POU6F2: variants seen among roughly 807,000 people sequenced by gnomAD.
The protein encoded by POU6F2 is POU domain, class 6, transcription factor 2.
In POU6F2, 31 loss-of-function variants were observed where a neutral mutation model predicts 71.3. The observed-to-expected ratio is 0.43, with a 90% CI of 0.33 to 0.59. POU6F2 has a LOEUF of 0.59. Ranked by LOEUF, POU6F2 falls within the 20% of genes least tolerant of loss-of-function variation. The pLI, the probability that POU6F2 is intolerant of heterozygous loss-of-function variation, is 0.04. For synonymous variants in POU6F2, 347 were observed against 355.7 expected (o/e 0.98, Z 0.27); for missense variants, 783 against 856.8 (o/e 0.91, Z 1.07).
Position 39,288,348 on chromosome 7 carries a change from A to G in POU6F2, c.599-51294A>G, listed in dbSNP as rs541627949. On this transcript the variant is annotated intron_variant, in intron 4 of 9. Transcript: ENST00000518318. ...AATAACCTCACCTCTCTGAGCTTCA[A>G]CATCCTCAGCTGTCACAGGGGCATA... Among the ~76,000 whole-genome samples, 12 of 152,290 alleles carry G rather than the reference A, an allele frequency of 7.9e-5. No homozygotes were observed. In the South Asian group the frequency reaches 1.7e-3, roughly 21 times the overall value.
intron 4 of POU6F2, among the ~76,000 whole-genome samples, chr7:39,207,923 G>T (rs532105731): frequency 6.6e-6 from 1 of 152,300 alleles, no homozygotes; most frequent in South Asian, 2.1e-4. Context: ...TAAAATTCCT[G>T]TGTTGTTATT....
chr7:39,361,444 C>T (rs906412453), intron 5 of POU6F2, among the ~76,000 whole-genome samples: 9 of 152,192 alleles, frequency 5.9e-5, no homozygotes, highest in African/African-American at 2.2e-4. Context: ...GTTTGACTGC[C>T]TCTGTTTCTT....
In POU6F2 at chr7:39,260,708, C is replaced by T. The variant is rs111162249; in HGVS notation, c.598+53088C>T. 9.5e-3 allele frequency among the ~76,000 whole-genome samples: 1,436 copies of T among 151,874 alleles called. 19 individuals are homozygous for T. Among genetic ancestry groups the T allele is most frequent in the African/African-American group, 0.033 (1,361 of 41,364 alleles). On this transcript the variant is annotated intron_variant, in intron 4 of 9. Transcript: ENST00000518318. ...ACACATATACCACAAGCATACATAC[C>T]GCACACCACATATACTACACCACCT...
chr7:39,112,666 A>G (rs1482867881), intron 2 of POU6F2, among the ~76,000 whole-genome samples: 1 of 141,022 alleles, frequency 7.1e-6, no homozygotes, highest in Admixed American at 7.2e-5. Context: ...CTAGGGGCCA[A>G]TTATAGCCCC....
chr7:39,384,869 G>A (rs140713894), intron 5 of POU6F2, among the ~76,000 whole-genome samples: 3 of 152,314 alleles, frequency 2.0e-5, no homozygotes, highest in East Asian at 1.9e-4. Context: ...ATTGAGTTAA[G>A]TTGATTCAGA....
At chr7:39,178,352 T>C (rs1204501474) in intron 2 of POU6F2, among the ~76,000 whole-genome samples, 2 of 152,244 alleles carry the variant, frequency 1.3e-5, no homozygotes, top group African/African-American at 2.4e-5. Context: ...AGAGTTTCTC[T>C]TCTATATGCC....
rs767558174 is a variant in POU6F2, at chr7:39,207,551, A to C, written c.529A>C (p.Asn177His). The change falls in exon 4 of 10, where the codon AAC (asparagine) becomes CAC (histidine). Residue 177 changes from asparagine (N) to histidine (H), a missense_variant. Physicochemically the swap from Asn to His is moderately conservative, Grantham distance 68 (BLOSUM62 1). This residue lies in a region of POU6F2 where 572 missense variants were observed against 572.9 expected (regional missense o/e 1.00). Coordinates refer to ENST00000518318, the MANE Select transcript of POU6F2 (RefSeq NM_001370959.1). ...VLTLPTANLT[N>H]IQGLVAAAAA... ...CACACTGCCAACAGCGAATCTCACC[A>C]ACATCCAAGGGCTGGTGGCAGCAGC... 19 of 1,614,036 alleles carry C rather than the reference A, an allele frequency of 1.2e-5. No individual in the cohort carries two copies. The African/African-American group carries it at 1.6e-4, about 14-fold the overall frequency.
At position 39,149,395 on chromosome 7, in the gene POU6F2, A is replaced by T. The variant is rs148976976; in HGVS notation, c.278-54840A>T. Reference sequence around the variant, plus strand: ...TTTTTATTTATTTGTTAATTTTTAAAATAAATTTTATTGTGTATAATCGAA... The same window carrying T: ...TTTTTATTTATTTGTTAATTTTTAATATAAATTTTATTGTGTATAATCGAA... On this transcript the variant is annotated intron_variant, in intron 2 of 9. Coordinates refer to ENST00000518318, the MANE Select transcript of POU6F2 (RefSeq NM_001370959.1). Among the ~76,000 whole-genome samples, 1,443 of 152,250 alleles carry T rather than the reference A, an allele frequency of 9.5e-3. 14 individuals are homozygous for T. Among genetic ancestry groups the T allele is most frequent in the Admixed American group, 0.016 (237 of 15,290 alleles).
chr7:39,333,732 T>C (rs1325105088), intron 4 of POU6F2, among the ~76,000 whole-genome samples: 1 of 152,108 alleles, frequency 6.6e-6, no homozygotes, highest in African/African-American at 2.4e-5. Flanking sequence ...AGTGAGACTT[T>C]GTCTCAAAAA....
At chr7:39,255,840 A>C (rs1207526915) in intron 4 of POU6F2, among the ~76,000 whole-genome samples, 3 of 152,220 alleles carry the variant, frequency 2.0e-5, no homozygotes, top group African/African-American at 7.2e-5. Context: ...CTTTAAAAGC[A>C]GTACTGCCCC....
At chr7:39,111,414 T>C (rs75009722) in intron 2 of POU6F2, among the ~76,000 whole-genome samples, 3,406 of 152,334 alleles carry the variant, frequency 0.022, 53 homozygotes, top group Middle Eastern at 0.044. Flanking sequence ...TGAAGAGTTT[T>C]ACCTTTACTC....
intron 5 of POU6F2, among the ~76,000 whole-genome samples, chr7:39,394,238 A>T (rs1787130643): frequency 6.6e-6 from 1 of 152,212 alleles, no homozygotes; most frequent in Admixed American, 6.5e-5. Flanking sequence ...GTAATAGAGA[A>T]CATTCTGTAT....
intron 8 of POU6F2, among the ~76,000 whole-genome samples, chr7:39,459,588 A>G (rs1788895832): frequency 6.6e-6 from 1 of 152,194 alleles, no homozygotes; most frequent in African/African-American, 2.4e-5. Context: ...ACTGAAATTG[A>G]TGGGCTATTG....
chr7:39,336,647 T>C (rs1165472262), intron 4 of POU6F2, among the ~76,000 whole-genome samples: 1 of 152,194 alleles, frequency 6.6e-6, no homozygotes, highest in Non-Finnish European at 1.5e-5. Context: ...CAGATGAGTC[T>C]ACTCCAGCTC....
intron 2 of POU6F2, among the ~76,000 whole-genome samples, chr7:39,134,597 A>G (rs62442219): frequency 0.11 from 17,023 of 152,242 alleles, 1,041 homozygotes; most frequent in Middle Eastern, 0.15. Context: ...ACTTGTATCT[A>G]TAGCTCAAAG....
rs896131603 is a variant in POU6F2, at chr7:39,107,042, T to C, written c.277+21011T>C. ...CCTTTTTTCTTTTTCTTTCTTTCTT[T>C]TTTTTTTTTTTTCTTTTTTTTCAAA... On this transcript the variant is annotated intron_variant, in intron 2 of 9. Coordinates refer to ENST00000518318, the MANE Select transcript of POU6F2 (RefSeq NM_001370959.1). Among the ~76,000 whole-genome samples, 592 of 143,878 alleles carry C rather than the reference T, an allele frequency of 4.1e-3. 4 individuals are homozygous for C. The highest frequency in any genetic ancestry group is 0.016 in the African/African-American group (564 of 35,764). The allele number at this position is 143,878 out of a possible 152,430, so 94.4% of individuals were successfully genotyped here. A position where few individuals can be genotyped will look rare whatever the true frequency, so the allele number is the denominator to read the frequency against.
intron 4 of POU6F2, among the ~76,000 whole-genome samples, chr7:39,214,321 C>T (rs1794198509): frequency 6.6e-6 from 1 of 152,166 alleles, no homozygotes; most frequent in Non-Finnish European, 1.5e-5. Context: ...AAGCATCAAG[C>T]CTTCCTTCCT....
chr7:39,293,480 A>G (rs4364548), intron 4 of POU6F2, among the ~76,000 whole-genome samples: 89,988 of 151,616 alleles, frequency 0.59, 27,487 homozygotes, highest in Admixed American at 0.72. Flanking sequence ...CCTTGAATTT[A>G]TTTTCCTTTC....
At chr7:39,165,375 A>C (rs765979101) in intron 2 of POU6F2, among the ~76,000 whole-genome samples, 3 of 152,214 alleles carry the variant, frequency 2.0e-5, no homozygotes, top group Non-Finnish European at 4.4e-5. Flanking sequence ...TATGAAATTA[A>C]TTGTCTAAGA....
Sources: allele counts gnomAD v4.1 joint callset (sites outside exome capture counted in the v4.1 genomes callset), GRCh38; gene constraint gnomAD v4.1.1; regional missense constraint gnomAD v4.1.1; transcripts MANE v1.5; gene names NCBI Gene and HGNC (gene_info 2026-07-23, HGNC 2026-07-21).